Variants in PPARGC1A observed in about 807,000 individuals in gnomAD.
PPARGC1A encodes PPARG coactivator 1 alpha.
PPARGC1A carries 25 observed loss-of-function variants against 88.7 expected under a neutral mutation model. That is an observed-to-expected ratio of 0.28 (90% CI 0.21 to 0.39). The LOEUF is 0.39. Ranked by LOEUF, PPARGC1A falls within the 10% of genes least tolerant of loss-of-function variation. PPARGC1A has a pLI of 1.00. For missense variants in PPARGC1A, 880 were observed against 968.7 expected, an observed-to-expected ratio of 0.91 and a Z score of 1.22; for synonymous variants, 363 against 355.6, an observed-to-expected ratio of 1.02 and a Z score of -0.24.
In PPARGC1A at chr4:23,793,381, A is replaced by ACTT. The variant is rs569600670; in HGVS notation, c.*2438_*2440dup. 2.8e-3 allele frequency: 434 copies of ACTT among 152,594 alleles called. No individual in the cohort carries two copies. The highest frequency in any genetic ancestry group is 4.7e-3 in the Non-Finnish European group (318 of 67,990). The allele number at this position is 152,594 out of a possible 1,614,324, so 9.5% of individuals were successfully genotyped here. A position where few individuals can be genotyped will look rare whatever the true frequency, so the allele number is the denominator to read the frequency against. On this transcript the variant is annotated 3_prime_UTR_variant, in exon 13 of 13. Transcript: ENST00000264867. The stretch of plus-strand genomic sequence containing the variant: ...ATAGTATTTTTATTGCTTTCTATCT[A>ACTT]CTTAGAAATAAGAAGCCAAAAAATC...
the PPARGC1A span, among the ~76,000 whole-genome samples, chr4:24,422,990 C>T: frequency 6.6e-6 from 1 of 152,162 alleles, no homozygotes; most frequent in Admixed American, 6.5e-5. Flanking sequence ...TAAAATACAG[C>T]CCCTATTATG....
the PPARGC1A span, among the ~76,000 whole-genome samples, chr4:24,022,135 C>A: frequency 6.6e-6 from 1 of 152,260 alleles, no homozygotes; most frequent in Non-Finnish European, 1.5e-5. Context: ...GATGGATGAG[C>A]ATGCAGGTGA....
chr4:24,037,984 G>A, the PPARGC1A span, among the ~76,000 whole-genome samples: 1 of 152,064 alleles, frequency 6.6e-6, no homozygotes, highest in Non-Finnish European at 1.5e-5. Context: ...TAGTCTAAAT[G>A]GCAACTCTTT....
the PPARGC1A span, among the ~76,000 whole-genome samples, chr4:23,952,252 A>G: frequency 2.6e-5 from 4 of 152,216 alleles, no homozygotes; most frequent in South Asian, 4.1e-4. Flanking sequence ...ATGATAGTTT[A>G]CCCTTTATTC....
chr4:23,933,876 A>G, the PPARGC1A span, among the ~76,000 whole-genome samples: 1 of 152,352 alleles, frequency 6.6e-6, no homozygotes, highest in South Asian at 2.1e-4. Flanking sequence ...TGTAAATATG[A>G]GGCCCACAGG....
chr4:24,254,418 C>A, the PPARGC1A span, among the ~76,000 whole-genome samples: 1 of 152,194 alleles, frequency 6.6e-6, no homozygotes, highest in Non-Finnish European at 1.5e-5. Flanking sequence ...CAGAGAGGCA[C>A]TCCCCAGTTC....
intron 2 of PPARGC1A, among the ~76,000 whole-genome samples, chr4:23,839,398 T>C (rs1726636708): frequency 6.6e-6 from 1 of 152,116 alleles, no homozygotes; most frequent in Non-Finnish European, 1.5e-5. Context: ...GGAACTGAGT[T>C]GTGCCATCAA....
At chr4:24,141,672 A>G in the PPARGC1A span, among the ~76,000 whole-genome samples, 2 of 152,190 alleles carry the variant, frequency 1.3e-5, no homozygotes, top group Non-Finnish European at 1.5e-5. Context: ...CGAAAATTCA[A>G]AGAGAGGAGC....
chr4:24,472,255 C>G, the PPARGC1A span, among the ~76,000 whole-genome samples: 1 of 152,022 alleles, frequency 6.6e-6, no homozygotes. This position sits in a 1 kb window ranked among gnomAD's most constrained non-coding sequence, Gnocchi z 4.5. Context: ...ACAGTGCGAC[C>G]CACTTGGCCC....
chr4:23,912,561 C>A, the PPARGC1A span, among the ~76,000 whole-genome samples: 3 of 152,098 alleles, frequency 2.0e-5, no homozygotes, highest in Non-Finnish European at 2.9e-5. Context: ...GCAGATGACC[C>A]TCCATAATAT....
the PPARGC1A span, among the ~76,000 whole-genome samples, chr4:24,073,610 T>G: frequency 6.6e-6 from 1 of 152,120 alleles, no homozygotes; most frequent in Non-Finnish European, 1.5e-5. Context: ...ATGGTGACAA[T>G]GATGACAATG....
At chr4:24,294,639 A>G in the PPARGC1A span, among the ~76,000 whole-genome samples, 1 of 152,186 alleles carries the variant, frequency 6.6e-6, no homozygotes, top group Admixed American at 6.5e-5. Context: ...TAGCCTTTGG[A>G]GATTCCTAGC....
the PPARGC1A span, among the ~76,000 whole-genome samples, chr4:24,143,592 CAGAT>C: frequency 3.3e-5 from 5 of 151,048 alleles, no homozygotes; most frequent in East Asian, 1.9e-4. Context: ...ACATATTAGA[CAGAT>C]AGATGGATGG....
chr4:24,197,151 AAGGAAAGTT>A, the PPARGC1A span, among the ~76,000 whole-genome samples: 1 of 152,230 alleles, frequency 6.6e-6, no homozygotes, highest in East Asian at 1.9e-4. Flanking sequence ...ATGCATTACT[AAGGAAAGTT>A]AGTATTAGCC....
the PPARGC1A span, among the ~76,000 whole-genome samples, chr4:23,913,297 GAGAGAGAGA>G: frequency 5.2e-4 from 74 of 143,146 alleles, no homozygotes; most frequent in African/African-American, 1.8e-3. Context: ...GAGAGAGAGA[GAGAGAGAGA>G]GAAAGAGAAA....
Position 23,813,033 on chromosome 4 carries a change from C to T in PPARGC1A, c.1886G>A (p.Ser629Asn), listed in dbSNP as rs374633703. ...YVRSRSRSPY[S>N]RRPRYDSYEE... is the part of the protein sequence containing the mutation. Reference sequence around the variant, plus strand: ...CATGCCTCATTACCTGGGCCGACGGCTGTAGGGCGATCTTGAACGTGATCT... The same window carrying T: ...CATGCCTCATTACCTGGGCCGACGGTTGTAGGGCGATCTTGAACGTGATCT... Residue 629 changes from serine to asparagine, a missense_variant, in exon 9 of 13, where the codon AGC (serine) becomes AAC (asparagine). By Grantham distance (46) the Ser-to-Asn change is conservative. Transcript: ENST00000264867. 6 of 1,613,910 alleles carry T rather than the reference C, an allele frequency of 3.7e-6. No individual in the cohort carries two copies. Among genetic ancestry groups the T allele is most frequent in the East Asian group, 2.2e-5 (1 of 44,876 alleles).
At chr4:24,422,998 A>G in the PPARGC1A span, among the ~76,000 whole-genome samples, 1 of 152,212 alleles carries the variant, frequency 6.6e-6, no homozygotes, top group African/African-American at 2.4e-5. Flanking sequence ...AGCCCCTATT[A>G]TGCTGTTACA....
intron 10 of PPARGC1A, among the ~76,000 whole-genome samples, chr4:23,812,397 G>T: frequency 6.6e-6 from 1 of 152,154 alleles, no homozygotes; most frequent in South Asian, 2.1e-4. Context: ...CTCAAAGAGA[G>T]AAGTAACAGG....
the PPARGC1A span, among the ~76,000 whole-genome samples, chr4:24,430,475 A>G: frequency 2.5e-4 from 38 of 151,356 alleles, no homozygotes; most frequent in African/African-American, 9.2e-4. Flanking sequence ...GTTAGCCAGG[A>G]TGGTCTCGAT....
Sources: gnomAD v4.1 joint callset for allele counts (sites outside exome capture counted in the v4.1 genomes callset) on GRCh38, gnomAD v4.1.1 for gene constraint, Gnocchi (gnomAD v3.1) non-coding constraint, MANE v1.5 for transcripts, NCBI Gene and HGNC (gene_info 2026-07-23, HGNC 2026-07-21) for gene names.